GLIS3: variants seen among roughly 807,000 people sequenced by gnomAD.
GLIS3 encodes the protein zinc finger protein GLIS3.
In GLIS3, 53 loss-of-function variants were observed where a neutral mutation model predicts 78.6. The observed-to-expected ratio is 0.67, with a 90% CI of 0.54 to 0.85. The LOEUF is 0.85. GLIS3 is among the 40% of genes least tolerant of loss of function. The pLI is 0.00. For missense variants in GLIS3, 1,703 were observed against 1,231.1 expected (o/e 1.38, Z -5.74); for synonymous variants, 684 against 509.9 (o/e 1.34, Z -4.60).
chr9:4,071,794 A>G (rs1057436023), intron 4 of GLIS3: 1 of 152,186 alleles, frequency 6.6e-6, no homozygotes, highest in Non-Finnish European at 1.5e-5. Flanking sequence ...TGGGAGAAAA[A>G]TTATTAAGGT....
chr9:4,333,033 C>T (rs867619682), intron 2 of GLIS3, among the ~76,000 whole-genome samples: 1 of 152,316 alleles, frequency 6.6e-6, no homozygotes, highest in South Asian at 2.1e-4. Flanking sequence ...AAGTCATCTC[C>T]TTCAATCTTC....
chr9:3,843,031 T>C (rs1818817853), intron 9 of GLIS3, among the ~76,000 whole-genome samples: 1 of 152,190 alleles, frequency 6.6e-6, no homozygotes, highest in Admixed American at 6.5e-5. Flanking sequence ...TGGCTCTCTC[T>C]CCCAATGCCT....
intron 2 of GLIS3, among the ~76,000 whole-genome samples, chr9:4,152,740 A>G (rs183284356): frequency 5.3e-5 from 8 of 152,368 alleles, no homozygotes; most frequent in African/African-American, 1.9e-4. Flanking sequence ...TAAATTTTAC[A>G]AAAGCAATAG....
intron 2 of GLIS3, among the ~76,000 whole-genome samples, chr9:4,158,643 T>C (rs1275682324): frequency 1.3e-5 from 2 of 152,224 alleles, no homozygotes; most frequent in African/African-American, 2.4e-5. Context: ...TATGATAGCA[T>C]TCATTCATTT....
chr9:4,253,137 C>T (rs752687150), intron 2 of GLIS3, among the ~76,000 whole-genome samples: 7 of 152,228 alleles, frequency 4.6e-5, no homozygotes, highest in East Asian at 1.9e-4. Context: ...AGAGCTCAAG[C>T]GCTGTGCTGG....
chr9:4,309,980 G>A (rs1486248985), intron 3 of GLIS3, among the ~76,000 whole-genome samples: 3 of 152,200 alleles, frequency 2.0e-5, no homozygotes, highest in African/African-American at 7.2e-5. Flanking sequence ...CATGGTCCCT[G>A]AATCACTGTC....
chr9:4,220,696 G>T (rs1342650194), intron 2 of GLIS3, among the ~76,000 whole-genome samples: 1 of 151,106 alleles, frequency 6.6e-6, no homozygotes, highest in East Asian at 1.9e-4. Flanking sequence ...GGGGTTCAAG[G>T]CCAGCCAGTG....
rs10973702 is a variant in GLIS3 at position 3,828,714 on chromosome 9, A to G, written c.2657-306T>C. Among the ~76,000 whole-genome samples, 44,534 of 152,186 alleles carry G rather than the reference A, an allele frequency of 0.29. 7,359 individuals carry two copies. The highest frequency in any genetic ancestry group is 0.58 in the East Asian group (2,988 of 5,160). ...TGGTGTTAAGGTTGAGTCATGAAAG[A>G]GAATGGAATTCTCACAGATGAAGAA... On this transcript the variant is annotated intron_variant, in intron 10 of 10. Coordinates refer to ENST00000381971, the MANE Select transcript of GLIS3 (RefSeq NM_001042413.2).
chr9:4,343,676 A>C (rs1326129349), intron 2 of GLIS3, among the ~76,000 whole-genome samples: 1 of 152,218 alleles, frequency 6.6e-6, no homozygotes, highest in Non-Finnish European at 1.5e-5. Context: ...ATGCCCACCA[A>C]CGGTGGACCG....
chr9:4,481,438 C>T, the GLIS3 span, among the ~76,000 whole-genome samples: 1 of 151,842 alleles, frequency 6.6e-6, no homozygotes, highest in South Asian at 2.1e-4. Flanking sequence ...GAGCCTCGCA[C>T]CATTACACTC....
chr9:4,066,647 T>C (rs540871290), intron 4 of GLIS3, among the ~76,000 whole-genome samples: 4 of 152,344 alleles, frequency 2.6e-5, no homozygotes, highest in African/African-American at 9.6e-5. Context: ...AATTCCACCC[T>C]TCTTTGTCCT....
At chr9:4,179,104 T>C (rs867207058) in intron 2 of GLIS3, among the ~76,000 whole-genome samples, 11 of 152,332 alleles carry the variant, frequency 7.2e-5, no homozygotes, top group South Asian at 6.2e-4. Context: ...ACCTTGGACA[T>C]TGTTTCGCCT....
chr9:4,483,601 T>C, the GLIS3 span, among the ~76,000 whole-genome samples: 1 of 151,436 alleles, frequency 6.6e-6, no homozygotes, highest in Admixed American at 6.6e-5. Flanking sequence ...ACGCCTGTAA[T>C]CCCAACTACT....
intron 2 of GLIS3, among the ~76,000 whole-genome samples, chr9:4,132,268 C>T (rs1314337350): frequency 1.3e-5 from 2 of 152,120 alleles, no homozygotes; most frequent in South Asian, 2.1e-4. Flanking sequence ...GTACCACATA[C>T]ATTCTAGCCA....
chr9:3,963,632 C>G (rs917009689), intron 4 of GLIS3, among the ~76,000 whole-genome samples: 1 of 152,120 alleles, frequency 6.6e-6, no homozygotes, highest in Non-Finnish European at 1.5e-5. Context: ...TAGAAGTTTC[C>G]TCTTTGACTC....
At chr9:4,051,047 T>G (rs1450004919) in intron 4 of GLIS3, among the ~76,000 whole-genome samples, 1 of 152,178 alleles carries the variant, frequency 6.6e-6, no homozygotes, top group Non-Finnish European at 1.5e-5. Flanking sequence ...AAGGCACATG[T>G]TTCAGAGGAC....
the GLIS3 span, among the ~76,000 whole-genome samples, chr9:4,473,444 T>TCAA: frequency 4.2e-4 from 22 of 52,894 alleles, no homozygotes; most frequent in African/African-American, 5.6e-4. Context: ...AGACTCCATC[T>TCAA]CAACAACAAC....
the GLIS3 span, among the ~76,000 whole-genome samples, chr9:4,481,047 G>C: frequency 6.6e-6 from 1 of 152,024 alleles, no homozygotes; most frequent in African/African-American, 2.4e-5. Context: ...GTAGAGACAG[G>C]GTTTTTCCAT....
the GLIS3 span, among the ~76,000 whole-genome samples, chr9:4,372,123 G>A: frequency 6.6e-6 from 1 of 152,120 alleles, no homozygotes; most frequent in Non-Finnish European, 1.5e-5. Context: ...GTGAAGGGTG[G>A]CCGAAGTGTC....
Sources: allele counts gnomAD v4.1 joint callset (sites outside exome capture counted in the v4.1 genomes callset), GRCh38; gene constraint gnomAD v4.1.1; transcripts MANE v1.5; gene names NCBI Gene and HGNC (gene_info 2026-07-23, HGNC 2026-07-21).